The following PIEZO2 variants were observed in gnomAD, a reference collection of about 807,000 sequenced individuals.
PIEZO2 encodes piezo-type mechanosensitive ion channel component 2.
A neutral mutation model predicts 337.3 loss-of-function variants in PIEZO2; 172 were observed. The ratio of observed to expected loss-of-function variants is 0.51; its 90% confidence interval spans 0.45 to 0.58. The LOEUF is 0.58. PIEZO2 is among the 20% of genes least tolerant of loss of function. PIEZO2 has a pLI of 0.00. For missense variants in PIEZO2, 3,028 were observed against 3,391.3 expected, an observed-to-expected ratio of 0.89 and a Z score of 2.66; for synonymous variants, 1,251 against 1,228.5, an observed-to-expected ratio of 1.02 and a Z score of -0.38.
intron 4 of PIEZO2, among the ~76,000 whole-genome samples, chr18:10,892,524 A>C (rs1341963679): frequency 2.0e-5 from 3 of 152,184 alleles, no homozygotes; most frequent in Non-Finnish European, 4.4e-5. Flanking sequence ...TTTGGGGATA[A>C]TGAAGATAAC....
In PIEZO2 at chr18:10,895,991, C is replaced by T. The variant is rs1003609497; in HGVS notation, c.329+15195G>A. Among the ~76,000 whole-genome samples, 9 of 145,050 alleles carry T rather than the reference C, an allele frequency of 6.2e-5. No homozygotes were observed. The highest frequency in any genetic ancestry group is 2.0e-4 in the East Asian group (1 of 4,936). On this transcript the variant is annotated intron_variant, in intron 4 of 55. Coordinates refer to ENST00000674853, the MANE Select transcript of PIEZO2 (RefSeq NM_001378183.1). This position sits in a 1 kb window ranked among gnomAD's most constrained non-coding sequence, Gnocchi z 4.8. ...AAGAGAATCTCTTGAACCCGGGAGG[C>T]GAAGGTTGCAGTGAGCCAAGATCAT...
intron 2 of PIEZO2, among the ~76,000 whole-genome samples, chr18:11,004,467 G>T (rs1275283709): frequency 2.0e-5 from 3 of 152,170 alleles, no homozygotes; most frequent in Non-Finnish European, 4.4e-5. Flanking sequence ...GGAAGAAAAG[G>T]TATGAGTAAT....
chr18:10,797,625 A>G, intron 11 of PIEZO2, 103 bp from the exon 12 acceptor site: 1 of 1,456,326 alleles, frequency 6.9e-7, no homozygotes, highest in East Asian at 2.5e-5. Context: ...ATAGCCTTTT[A>G]TTTAAGATTT....
chr18:10,752,392 T>A (rs551120814), intron 28 of PIEZO2, among the ~76,000 whole-genome samples: 2 of 152,348 alleles, frequency 1.3e-5, no homozygotes, highest in Admixed American at 6.5e-5. Flanking sequence ...ATTTTAGAAT[T>A]TATTCCTATG....
chr18:10,715,510 A>T, intron 38 of PIEZO2, 140 bp downstream of exon 38: 1 of 690,114 alleles, frequency 1.4e-6, no homozygotes, highest in Non-Finnish European at 2.2e-6. Flanking sequence ...AGATTTAAAT[A>T]TACAGAAAAG....
Position 11,078,387 on chromosome 18 carries a change from A to G in PIEZO2, c.65-12165T>C, listed in dbSNP as rs1290831333. ...GTGTGCATTAACACGAAAAGAAATC[A>G]ATTCAACTAACTATAATGCAGTCCT... On this transcript the variant is annotated intron_variant, in intron 1 of 55. Transcript: ENST00000674853. The surrounding 1 kb of genome is among the most constrained non-coding windows in gnomAD (Gnocchi z 5.3). Among the ~76,000 whole-genome samples the G allele has an allele frequency of 2.0e-5, 3 of 152,192 alleles. No individual in the cohort carries two copies. Among genetic ancestry groups the G allele is most frequent in the Admixed American group, 1.3e-4 (2 of 15,282 alleles).
chr18:10,688,220 T>C (rs2034640610), intron 49 of PIEZO2, among the ~76,000 whole-genome samples: 1 of 152,138 alleles, frequency 6.6e-6, no homozygotes, highest in African/African-American at 2.4e-5. Context: ...TGTGTTCTCA[T>C]TGTTCGGCTC....
In PIEZO2 at chr18:10,969,568, T is replaced by C. The variant is rs1598759790; in HGVS notation, c.286+9967A>G. ...GGTTTTCTGTCTTAATTTTCCCAAA[T>C]CCAAATGGAAATCCAAATTTTTTTT... On this transcript the variant is annotated intron_variant, in intron 3 of 55. Transcript: ENST00000674853. The surrounding 1 kb of genome is among the most constrained non-coding windows in gnomAD (Gnocchi z 4.5). 6.6e-6 allele frequency among the ~76,000 whole-genome samples: 1 copy of C among 152,188 alleles called. No homozygotes were observed. Among genetic ancestry groups the C allele is most frequent in the East Asian group, 1.9e-4 (1 of 5,182 alleles).
intron 7 of PIEZO2, among the ~76,000 whole-genome samples, chr18:10,808,626 C>G (rs944878816): frequency 6.6e-6 from 1 of 152,088 alleles, no homozygotes; most frequent in Non-Finnish European, 1.5e-5. Context: ...TATGTCATAA[C>G]TTGTTCTTAT....
intron 3 of PIEZO2, among the ~76,000 whole-genome samples, chr18:10,947,520 T>C (rs954048682): frequency 1.3e-5 from 2 of 152,288 alleles, no homozygotes; most frequent in African/African-American, 4.8e-5. Context: ...AAAACTACTT[T>C]CAATAGAAGA....
intron 2 of PIEZO2, among the ~76,000 whole-genome samples, chr18:11,007,041 ACTC>A (rs1248921212): frequency 2.0e-5 from 3 of 151,958 alleles, no homozygotes; most frequent in African/African-American, 7.3e-5. Flanking sequence ...TTTCAAAACT[ACTC>A]CTCTATTTAT....
chr18:10,887,889 A>T (rs264216), intron 4 of PIEZO2, among the ~76,000 whole-genome samples: 5 of 152,008 alleles, frequency 3.3e-5, no homozygotes, highest in East Asian at 1.9e-4. Flanking sequence ...GGGAGGCACA[A>T]GTCCCCAGCT....
rs568913341 is a variant in PIEZO2, at chr18:10,671,394, C to T, written c.*133G>A. 3 of 943,852 alleles carry T rather than the reference C, an allele frequency of 3.2e-6. No homozygotes were observed. Among genetic ancestry groups the T allele is most frequent in the South Asian group, 1.9e-5 (1 of 51,664 alleles). The allele number at this position is 943,852 out of a possible 1,614,324, so 58.5% of individuals were successfully genotyped here. ...AGCTTTTACTGCAGAAGGATATCAG[C>T]TCCTTTTGTCTACCTATCAGAAGAG... is the stretch of plus-strand genomic sequence containing the variant. On this transcript the variant is annotated 3_prime_UTR_variant, in exon 56 of 56. Transcript: ENST00000674853.
chr18:11,014,506 TG>T (rs1442194905), intron 2 of PIEZO2, among the ~76,000 whole-genome samples: 17 of 135,788 alleles, frequency 1.3e-4, no homozygotes, highest in Non-Finnish European at 6.2e-5. Flanking sequence ...CATTCCTCAG[TG>T]GTGGGCATTT....
chr18:10,742,057 A>G (rs1418286403), intron 32 of PIEZO2, among the ~76,000 whole-genome samples: 3 of 152,164 alleles, frequency 2.0e-5, no homozygotes, highest in African/African-American at 7.2e-5. Context: ...CGGGAGGCTG[A>G]GGCAGGAGAA....
At chr18:10,873,328 G>C (rs1049825998) in intron 4 of PIEZO2, among the ~76,000 whole-genome samples, 1 of 152,088 alleles carries the variant, frequency 6.6e-6, no homozygotes, top group Non-Finnish European at 1.5e-5. Flanking sequence ...CACGTGAAAA[G>C]ACTAAGGCTT....
At chr18:11,006,152 G>A (rs2035712676) in intron 2 of PIEZO2, among the ~76,000 whole-genome samples, 1 of 152,050 alleles carries the variant, frequency 6.6e-6, no homozygotes, top group Admixed American at 6.5e-5. Context: ...CTCCCCAACT[G>A]CTTTTTATCA....
rs372798200 is a variant in PIEZO2, at chr18:10,819,012, AT to A, written c.918-11739del. ...TTATCTATATTGTTAGTGGCTAATA[AT>A]TTTTTGTTACACTTTAAACAGTAAA... On this transcript the variant is annotated intron_variant, in intron 7 of 55. Transcript: ENST00000674853. The surrounding 1 kb of genome is among the most constrained non-coding windows in gnomAD (Gnocchi z 4.3). 7.1e-4 allele frequency among the ~76,000 whole-genome samples: 108 copies of A among 152,316 alleles called. No homozygotes were observed. The highest frequency in any genetic ancestry group is 2.5e-3 in the African/African-American group (102 of 41,568).
chr18:10,976,699 C>A (rs1213173263), intron 3 of PIEZO2, among the ~76,000 whole-genome samples: 1 of 152,120 alleles, frequency 6.6e-6, no homozygotes, highest in Non-Finnish European at 1.5e-5. Flanking sequence ...AGGATGACTG[C>A]AGAGGGCATT....
Sources: allele counts gnomAD v4.1 joint callset (sites outside exome capture counted in the v4.1 genomes callset), GRCh38; gene constraint gnomAD v4.1.1; non-coding constraint Gnocchi (gnomAD v3.1); transcripts MANE v1.5; gene names NCBI Gene and HGNC (gene_info 2026-07-23, HGNC 2026-07-21).